Variants in TNRC6B observed in about 807,000 individuals in gnomAD.
The protein encoded by TNRC6B is trinucleotide repeat containing adaptor 6B, also known as trinucleotide repeat-containing gene 6B protein.
TNRC6B carries 52 observed loss-of-function variants against 203.6 expected under a neutral mutation model. The ratio of observed to expected loss-of-function variants is 0.26; its 90% confidence interval spans 0.20 to 0.32. The LOEUF (loss-of-function observed/expected upper bound fraction) is 0.32, where lower values mean the gene tolerates loss of function less well. Among genes scored for constraint, TNRC6B ranks in the 10% least tolerant of loss-of-function variants. TNRC6B has a pLI of 1.00. For missense variants in TNRC6B, 1,923 were observed against 2,286.2 expected (o/e 0.84, Z 3.24); for synonymous variants, 838 against 845.7 (o/e 0.99, Z 0.16).
chr22:40,267,143 T>G, intron 5 of TNRC6B, 107 bp downstream of exon 5: 1 of 1,184,578 alleles, frequency 8.4e-7, no homozygotes, highest in Non-Finnish European at 1.1e-6. Flanking sequence ...TGAGATGCTT[T>G]CCTACAGTTT....
chr22:40,213,712 A>G (rs117178354), intron 1 of TNRC6B, among the ~76,000 whole-genome samples: 631 of 152,270 alleles, frequency 4.1e-3, no homozygotes, highest in Non-Finnish European at 6.5e-3. Context: ...GGGAGGCTGC[A>G]TAGAGTGCAG....
upstream of TNRC6B, among the ~76,000 whole-genome samples, chr22:40,174,689 G>T (rs1380348456): frequency 6.6e-6 from 1 of 152,058 alleles, no homozygotes; most frequent in African/African-American, 2.4e-5. Context: ...GCCGAGCGTG[G>T]TGGCAGGCAC....
chr22:40,076,982 A>G (rs969482914), intron 1 of TNRC6B, among the ~76,000 whole-genome samples: 1 of 151,978 alleles, frequency 6.6e-6, no homozygotes, highest in African/African-American at 2.4e-5. Context: ...CAAAGTACCA[A>G]GACCCTATCT....
intron 3 of TNRC6B, among the ~76,000 whole-genome samples, chr22:40,255,877 G>A (rs1167045318): frequency 6.6e-6 from 1 of 152,098 alleles, no homozygotes; most frequent in African/African-American, 2.4e-5. Flanking sequence ...TTTTGAGACA[G>A]AGTCTTGCTC....
At chr22:40,262,222 C>T (rs1370840683) in intron 4 of TNRC6B, 49 bp downstream of exon 4, 1 of 1,325,880 alleles carries the variant, frequency 7.5e-7, no homozygotes, top group Non-Finnish European at 9.8e-7. Flanking sequence ...AGAGAGAGAG[C>T]ACTTTGTTTG....
In TNRC6B at chr22:40,280,158, T is replaced by C; in HGVS notation, c.3411+15T>C. The C allele has an allele frequency of 6.2e-7, 1 of 1,605,934 alleles. No individual in the cohort carries two copies. The highest frequency in any genetic ancestry group is 1.1e-5 in the South Asian group (1 of 90,434). On this transcript the variant is annotated intron_variant, in intron 10 of 22. Transcript: ENST00000454349. ...ATTTTGAGAAGGTGAGTTGAATCCT[T>C]TGTTTAAGATAATAATTCATGAGAA... is the stretch of plus-strand genomic sequence containing the variant.
At chr22:40,308,418 C>A in intron 15 of TNRC6B, 94 bp from the exon 16 acceptor site, 1 of 1,423,024 alleles carries the variant, frequency 7.0e-7, no homozygotes, top group South Asian at 1.2e-5. Flanking sequence ...GTGAATTAGT[C>A]TTTGAATGAC....
chr22:40,222,200 G>A (rs1441610902), intron 1 of TNRC6B, among the ~76,000 whole-genome samples: 2 of 152,156 alleles, frequency 1.3e-5, no homozygotes, highest in Non-Finnish European at 2.9e-5. Flanking sequence ...TATTGCTGAG[G>A]AGGGTTTAAT....
rs546647422 is a variant in TNRC6B, at chr22:40,192,718, C to G, written c.5+14578C>G. Among the ~76,000 whole-genome samples, 5 of 152,074 alleles carry G rather than the reference C, an allele frequency of 3.3e-5. 1 individual carries two copies. The East Asian group carries it at 9.6e-4, about 29-fold the overall frequency. On this transcript the variant is annotated intron_variant, in intron 1 of 22. Coordinates refer to ENST00000454349, the MANE Select transcript of TNRC6B (RefSeq NM_001162501.2). ...GGAGGGATCCTAGATCAGCCCCAGG[C>G]TGGGGGAAGGGATGATGCCACAAAT...
At chr22:40,130,226 C>T (rs554469637) in intron 3 of TNRC6B, among the ~76,000 whole-genome samples, 8 of 152,234 alleles carry the variant, frequency 5.3e-5, no homozygotes, top group East Asian at 1.9e-4. Flanking sequence ...CCAGGCTTAA[C>T]GGGCCTCGTA....
At position 40,280,001 on chromosome 22, in the gene TNRC6B, T is replaced by A; in HGVS notation, c.3269T>A (p.Leu1090His). The A allele has an allele frequency of 6.2e-7, 1 of 1,613,892 alleles. No homozygotes were observed. Among genetic ancestry groups the A allele is most frequent in the Non-Finnish European group, 8.5e-7 (1 of 1,179,830 alleles). Reference protein sequence around the residue: ...SSKMDLSVGSLSDKKFDVDKR... With the variant: ...SSKMDLSVGSHSDKKFDVDKR... ...TGTGTATGCTACTTTTCAGGAAGCC[T>A]TTCAGATAAAAAATTTGATGTGGAC... The change falls in exon 10 of 23, where the codon CTT becomes CAT. Residue 1090 changes from leucine to histidine, a missense_variant. This residue lies in a region of TNRC6B where 599 missense variants were observed against 656.5 expected (regional missense o/e 0.91). Transcript: ENST00000454349.
chr22:40,191,357 T>A (rs1165654308), intron 1 of TNRC6B, among the ~76,000 whole-genome samples: 2 of 152,130 alleles, frequency 1.3e-5, no homozygotes, highest in Admixed American at 6.5e-5. Flanking sequence ...TTAGCTACTG[T>A]TTTCATTATT....
At chr22:40,312,193 A>G (rs931354500) in intron 17 of TNRC6B, among the ~76,000 whole-genome samples, 4 of 152,244 alleles carry the variant, frequency 2.6e-5, no homozygotes, top group African/African-American at 9.6e-5. Flanking sequence ...TGAACACCAG[A>G]GTCCTTACTC....
Position 40,326,734 on chromosome 22 carries a change from G to C in TNRC6B, c.*3493G>C, listed in dbSNP as rs2071407359. 1 of 152,502 alleles carries C rather than the reference G, an allele frequency of 6.6e-6. No homozygotes were observed. The highest frequency in any genetic ancestry group is 6.5e-5 in the Admixed American group (1 of 15,280). 9.4% of individuals were successfully genotyped at this position (152,502 alleles called of 1,614,324 possible). On this transcript the variant is annotated 3_prime_UTR_variant, in exon 23 of 23. Coordinates refer to ENST00000454349, the MANE Select transcript of TNRC6B (RefSeq NM_001162501.2). The stretch of plus-strand genomic sequence containing the variant: ...GGATTGCTGAGAATCTATGTAAAGA[G>C]TTAGGAAATATAGGTTAATAATTTT...
At chr22:40,069,932 G>A (rs2067932944) in intron 1 of TNRC6B, among the ~76,000 whole-genome samples, 2 of 152,134 alleles carry the variant, frequency 1.3e-5, no homozygotes, top group Admixed American at 6.5e-5. Context: ...TGTAGGAGGT[G>A]GGGAGTTGGG....
In TNRC6B at chr22:40,266,558, G is replaced by A. The variant is rs777885084; in HGVS notation, c.2328G>A (p.Gly776=). 9 of 1,613,694 alleles carry A rather than the reference G, an allele frequency of 5.6e-6. No homozygotes were observed. The highest frequency in any genetic ancestry group is 1.6e-4 in the Middle Eastern group (1 of 6,062). The part of the protein sequence containing the change: ...SKPVSGWGEG[G]QNEIGTWGNG... ...CTGTGTCTGGGTGGGGTGAAGGAGGGCAGAATGAAATCGGGACTTGGGGTA... is the reference window on the plus strand; with the variant it reads ...CTGTGTCTGGGTGGGGTGAAGGAGGACAGAATGAAATCGGGACTTGGGGTA... Residue 776 remains glycine, a synonymous_variant, in exon 5 of 23, where the codon GGG becomes GGA. Transcript: ENST00000454349.
intron 6 of TNRC6B, among the ~76,000 whole-genome samples, chr22:40,271,031 A>G (rs928424975): frequency 1.3e-5 from 2 of 152,224 alleles, no homozygotes; most frequent in African/African-American, 2.4e-5. Context: ...ACATAAGAGC[A>G]TTTCAGATTT....
intron 12 of TNRC6B, among the ~76,000 whole-genome samples, chr22:40,292,912 C>T (rs1269311624): frequency 6.6e-6 from 1 of 152,206 alleles, no homozygotes; most frequent in Non-Finnish European, 1.5e-5. Flanking sequence ...ATTCTTTCTG[C>T]ATGTGTCTCT....
At chr22:40,244,992 T>G (rs1048406223) in intron 1 of TNRC6B, among the ~76,000 whole-genome samples, 1 of 152,248 alleles carries the variant, frequency 6.6e-6, no homozygotes, top group Non-Finnish European at 1.5e-5. Flanking sequence ...CCATTTTTAT[T>G]CTAATTCAGT....
Sources: gnomAD v4.1 joint callset for allele counts (sites outside exome capture counted in the v4.1 genomes callset) on GRCh38, gnomAD v4.1.1 for gene constraint, gnomAD v4.1.1 regional missense constraint, MANE v1.5 for transcripts, NCBI Gene and HGNC (gene_info 2026-07-23, HGNC 2026-07-21) for gene names.